Variants in XKRX observed in about 807,000 individuals in gnomAD.
The protein encoded by XKRX is XK-related protein 2.
XKRX carries 11 observed loss-of-function variants against 22.4 expected under a neutral mutation model. The ratio of observed to expected loss-of-function variants is 0.49; its 90% CI spans 0.31 to 0.81. The LOEUF (loss-of-function observed/expected upper bound fraction) is 0.81, where lower values mean the gene tolerates loss of function less well. XKRX is among the 40% of genes least tolerant of loss of function. The pLI is 0.05. For missense variants in XKRX, 320 were observed against 336.5 expected, an observed-to-expected ratio of 0.95 and a Z score of 0.38; for synonymous variants, 114 against 132.2, an observed-to-expected ratio of 0.86 and a Z score of 0.94.
chrX:100,943,311 T>C, the XKRX span, among the ~76,000 whole-genome samples: 1 of 112,678 alleles, frequency 8.9e-6, no homozygotes, highest in South Asian at 3.6e-4. Context: ...TTTTATACTT[T>C]ACGTTAATAC....
downstream of XKRX, among the ~76,000 whole-genome samples, chrX:100,913,074 T>G (rs2085412574): frequency 9.2e-6 from 1 of 109,088 alleles, no homozygotes; most frequent in Non-Finnish European, 1.9e-5. Context: ...GGCGGGCGCC[T>G]GTAATCCCAG....
chrX:100,928,061 G>C lies in XKRX; in HGVS notation c.244C>G (p.Gln82Glu), dbSNP rs2085505633. ...SFFMFSSIMV[Q>E]LTLIFVHRDL... ...CTGTGGACAAAAATGAGGGTCAACT[G>C]GACCATAATGGATGAAAACATAAAG... The change falls in exon 1 of 3, where the codon CAG becomes GAG. Residue 82 changes from glutamine to glutamate, a missense_variant. Transcript: ENST00000372956. 8.3e-7 allele frequency: 1 copy of C among 1,209,134 alleles called. No individual in the cohort carries two copies. The highest frequency in any genetic ancestry group is 1.1e-6 in the Non-Finnish European group (1 of 894,946).
At chrX:100,927,168 G>A (rs902745564) in intron 1 of XKRX, among the ~76,000 whole-genome samples, 6 of 110,092 alleles carry the variant, frequency 5.4e-5, no homozygotes, top group African/African-American at 2.0e-4. Context: ...ACGAGATCCC[G>A]TCTCTACAAA....
chrX:100,923,114 GT>G, intron 1 of XKRX, 53 bp from the exon 2 acceptor site: 1 of 1,175,395 alleles, frequency 8.5e-7, no homozygotes, highest in Non-Finnish European at 1.1e-6. Context: ...GGGAAGGGAG[GT>G]TGTAGTGAGG....
chrX:100,893,598 G>T, the XKRX span, among the ~76,000 whole-genome samples: 3 of 112,348 alleles, frequency 2.7e-5, no homozygotes, highest in African/African-American at 9.7e-5. Flanking sequence ...TAAAGAAAAT[G>T]TGGTGGCGAT....
the XKRX span, among the ~76,000 whole-genome samples, chrX:100,889,244 AAAAAAAAAAAAG>A: frequency 9.2e-6 from 1 of 108,241 alleles, no homozygotes; most frequent in Non-Finnish European, 1.9e-5. Flanking sequence ...TATCTCAAAA[AAAAAAAAAAAAG>A]AAAAAGAAAA....
At chrX:100,938,135 G>A in the XKRX span, among the ~76,000 whole-genome samples, 1 of 112,201 alleles carries the variant, frequency 8.9e-6, no homozygotes, top group Admixed American at 9.5e-5. Context: ...AGTGTCCAGA[G>A]CAGCAGAGAA....
the XKRX span, among the ~76,000 whole-genome samples, chrX:100,938,001 ACCTCCCTAGCACT>A: frequency 9.0e-6 from 1 of 111,524 alleles, no homozygotes; most frequent in South Asian, 3.8e-4. Flanking sequence ...TTACCAGATC[ACCTCCCTAGCACT>A]CCTGCCTCAC....
the XKRX span, among the ~76,000 whole-genome samples, chrX:100,948,845 C>G: frequency 3.6e-5 from 4 of 112,472 alleles, no homozygotes; most frequent in African/African-American, 1.3e-4. Context: ...GAGGTGGAAC[C>G]AGGCTATGAG....
At chrX:100,938,778 C>G in the XKRX span, among the ~76,000 whole-genome samples, 1 of 112,377 alleles carries the variant, frequency 8.9e-6, no homozygotes, top group Non-Finnish European at 1.9e-5. Context: ...ATTCTACACA[C>G]AGCACTGTGG....
chrX:100,904,854 A>C, the XKRX span, among the ~76,000 whole-genome samples: 1 of 112,379 alleles, frequency 8.9e-6, no homozygotes, highest in Non-Finnish European at 1.9e-5. Context: ...GAAAGGAAGA[A>C]GGGCTGGAGC....
At chrX:100,910,938 A>G (rs1439943900), downstream of XKRX, 8 of 566,658 alleles carry the variant, frequency 1.4e-5, no homozygotes, top group Non-Finnish European at 2.5e-5. Flanking sequence ...AAACACAAGA[A>G]TAATGAAAAG....
chrX:100,901,855 C>G, the XKRX span, among the ~76,000 whole-genome samples: 1 of 110,513 alleles, frequency 9.0e-6, no homozygotes, highest in Non-Finnish European at 1.9e-5. Flanking sequence ...CAAAATTAGC[C>G]AGGCATGGTG....
chrX:100,904,652 C>G, the XKRX span, among the ~76,000 whole-genome samples: 2 of 112,185 alleles, frequency 1.8e-5, no homozygotes, highest in Non-Finnish European at 3.8e-5. Flanking sequence ...CCTGGCTATG[C>G]CTGTTTAATC....
chrX:100,916,159 G>C (rs1353516251), intron 2 of XKRX, among the ~76,000 whole-genome samples: 1 of 109,615 alleles, frequency 9.1e-6, no homozygotes, highest in Non-Finnish European at 1.9e-5. Context: ...AATTAGTTTG[G>C]TTGTGGTAAT....
At chrX:100,950,225 C>G in the XKRX span, among the ~76,000 whole-genome samples, 1 of 111,724 alleles carries the variant, frequency 9.0e-6, no homozygotes, top group African/African-American at 3.2e-5. Context: ...TAGCTGAAAA[C>G]TTCCCAAAGG....
At chrX:100,953,266 C>T in the XKRX span, among the ~76,000 whole-genome samples, 10 of 111,179 alleles carry the variant, frequency 9.0e-5, no homozygotes, top group Non-Finnish European at 1.3e-4. Context: ...CCAGCCTGTG[C>T]GACAAAGTGG....
At chrX:100,937,288 G>A in the XKRX span, among the ~76,000 whole-genome samples, 1 of 111,488 alleles carries the variant, frequency 9.0e-6, no homozygotes, top group Non-Finnish European at 1.9e-5. Flanking sequence ...ACCGCGCCCG[G>A]CCACCTAAAA....
the XKRX span, among the ~76,000 whole-genome samples, chrX:100,905,460 TA>T: frequency 8.5e-3 from 958 of 112,497 alleles, 9 homozygotes; most frequent in African/African-American, 0.029. Context: ...ATTTACTTTT[TA>T]AAGCAATGTA....
Sources: gnomAD v4.1 joint callset for allele counts (sites outside exome capture counted in the v4.1 genomes callset) on GRCh38, gnomAD v4.1.1 for gene constraint, MANE v1.5 for transcripts, NCBI Gene and HGNC (gene_info 2026-07-23, HGNC 2026-07-21) for gene names.